M1AP: variants seen among roughly 807,000 people sequenced by gnomAD.
The protein encoded by M1AP is meiosis 1 associated protein.
A neutral mutation model predicts 51.2 loss-of-function variants in M1AP; 39 were observed. That is an observed-to-expected ratio of 0.76 (90% CI 0.59 to 1.00). The LOEUF (loss-of-function observed/expected upper bound fraction) is 1.00, where lower values mean the gene tolerates loss of function less well. Among genes scored for constraint, M1AP ranks in the 50% least tolerant of loss-of-function variants. M1AP has a pLI of 0.00. For synonymous variants in M1AP, 251 were observed against 249.2 expected (o/e 1.01, Z -0.07); for missense variants, 545 against 641.2 (o/e 0.85, Z 1.62).
chr2:74,622,356 A>T (rs1682102642), intron 2 of M1AP, among the ~76,000 whole-genome samples: 1 of 151,880 alleles, frequency 6.6e-6, no homozygotes, highest in Non-Finnish European at 1.5e-5. Context: ...ATCCTGCCTC[A>T]GCCTCCTGAG....
chr2:74,634,260 TG>T, intron 2 of M1AP, among the ~76,000 whole-genome samples: 1 of 152,278 alleles, frequency 6.6e-6, no homozygotes, highest in South Asian at 2.1e-4. Context: ...ATATTTGTAA[TG>T]AGAAGGTTGG....
At chr2:74,583,282 C>T (rs978146673) in intron 4 of M1AP, among the ~76,000 whole-genome samples, 2 of 151,852 alleles carry the variant, frequency 1.3e-5, no homozygotes, top group African/African-American at 2.4e-5. Flanking sequence ...TGGGGTATCC[C>T]CTTATAGTAG....
At chr2:74,573,780 G>A (rs1034902563) in intron 7 of M1AP, among the ~76,000 whole-genome samples, 1 of 151,688 alleles carries the variant, frequency 6.6e-6, no homozygotes, top group Non-Finnish European at 1.5e-5. Context: ...GTCTTCTTTG[G>A]CTACATTCCC....
At chr2:74,572,351 T>C (rs1227247055) in intron 7 of M1AP, among the ~76,000 whole-genome samples, 1 of 152,146 alleles carries the variant, frequency 6.6e-6, no homozygotes, top group Non-Finnish European at 1.5e-5. Context: ...CCCTAAGCAG[T>C]GTCTCCCTCT....
chr2:74,629,182 T>C (rs574713025), intron 2 of M1AP, among the ~76,000 whole-genome samples: 2 of 152,370 alleles, frequency 1.3e-5, no homozygotes, highest in African/African-American at 4.8e-5. Context: ...CATAAGATGT[T>C]GCTTCTCCTT....
chr2:74,637,350 G>A (rs768671548), intron 2 of M1AP, among the ~76,000 whole-genome samples: 8 of 152,136 alleles, frequency 5.3e-5, no homozygotes, highest in Non-Finnish European at 1.5e-5. Context: ...CATGGAACCC[G>A]ATTATAACAA....
intron 4 of M1AP, among the ~76,000 whole-genome samples, chr2:74,586,797 T>C (rs2104612165): frequency 6.6e-6 from 1 of 152,234 alleles, no homozygotes; most frequent in East Asian, 1.9e-4. Context: ...AGTCGGGAGT[T>C]TGAGACCAGC....
chr2:74,593,607 C>T (rs1680167398), intron 4 of M1AP, among the ~76,000 whole-genome samples: 1 of 152,182 alleles, frequency 6.6e-6, no homozygotes. Context: ...TCTTGAACTC[C>T]TGGCCTCAAG....
intron 4 of M1AP, among the ~76,000 whole-genome samples, chr2:74,594,495 G>GA (rs1680215564): frequency 6.6e-6 from 1 of 152,174 alleles, no homozygotes. Context: ...TTGGGTAATT[G>GA]AAGTCCTAGA....
chr2:74,603,080 T>G (rs1022397460), intron 4 of M1AP, among the ~76,000 whole-genome samples: 2 of 152,230 alleles, frequency 1.3e-5, no homozygotes, highest in Admixed American at 1.3e-4. Flanking sequence ...GAGAACCCAA[T>G]GAGAAGGGCT....
chr2:74,589,402 T>C (rs1679909024), intron 4 of M1AP, among the ~76,000 whole-genome samples: 1 of 152,212 alleles, frequency 6.6e-6, no homozygotes, highest in Non-Finnish European at 1.5e-5. Context: ...GTGGGTTCCA[T>C]TATTGCAATT....
intron 2 of M1AP, among the ~76,000 whole-genome samples, chr2:74,626,752 T>C (rs1208830260): frequency 1.3e-5 from 2 of 152,260 alleles, no homozygotes; most frequent in African/African-American, 2.4e-5. Context: ...GCTATCCAGC[T>C]GATCCAAACA....
chr2:74,622,427 G>A (rs1175283819), intron 2 of M1AP, among the ~76,000 whole-genome samples: 7 of 151,906 alleles, frequency 4.6e-5, no homozygotes, highest in Non-Finnish European at 1.0e-4. Flanking sequence ...TAGTAGAGAC[G>A]GGGTTTCGCC....
intron 2 of M1AP, among the ~76,000 whole-genome samples, chr2:74,622,882 T>C (rs1357600735): frequency 2.0e-5 from 3 of 148,736 alleles, no homozygotes. Flanking sequence ...TAGTGAAGGG[T>C]AGAGATACCA....
intron 1 of M1AP, chr2:74,647,473 CATTAAAAAAAG>C: frequency 1.2e-6 from 1 of 848,112 alleles, no homozygotes. Flanking sequence ...CCCCTTCCTC[CATTAAAAAAAG>C]ATTAAAAGAA....
At chr2:74,611,864 A>C (rs1258516752) in intron 3 of M1AP, among the ~76,000 whole-genome samples, 1 of 149,826 alleles carries the variant, frequency 6.7e-6, no homozygotes, top group Non-Finnish European at 1.5e-5. Context: ...GACAGAAAAA[A>C]AACAACAACA....
intron 4 of M1AP, among the ~76,000 whole-genome samples, chr2:74,591,952 A>G (rs891861773): frequency 6.6e-6 from 1 of 151,854 alleles, no homozygotes; most frequent in African/African-American, 2.4e-5. Context: ...CGCCTGGCTA[A>G]CTTTTTATTT....
intron 2 of M1AP, chr2:74,620,923 TCTC>T (rs1027121529): frequency 5.6e-6 from 1 of 178,600 alleles, no homozygotes; most frequent in Non-Finnish European, 1.3e-5. Context: ...CCAAACAGCT[TCTC>T]CTTCAAATCC....
At chr2:74,641,939 G>A (rs191485047) in intron 1 of M1AP, among the ~76,000 whole-genome samples, 46 of 151,532 alleles carry the variant, frequency 3.0e-4, no homozygotes, top group Non-Finnish European at 2.4e-4. Context: ...TCCGCCTCCC[G>A]GGTTCAAGCG....
Sources: gnomAD v4.1 joint callset for allele counts (sites outside exome capture counted in the v4.1 genomes callset) on GRCh38, gnomAD v4.1.1 for gene constraint, MANE v1.5 for transcripts, NCBI Gene and HGNC (gene_info 2026-07-23, HGNC 2026-07-21) for gene names.